The following SHANK2 variants were observed in gnomAD, a reference collection of about 807,000 sequenced individuals.
SHANK2 encodes the protein SH3 and multiple ankyrin repeat domains protein 2.
A neutral mutation model predicts 133.7 loss-of-function variants in SHANK2; 43 were observed. The ratio of observed to expected loss-of-function variants is 0.32; its 90% CI spans 0.25 to 0.41. The LOEUF is 0.41. Among genes scored for constraint, SHANK2 ranks in the 10% least tolerant of loss-of-function variants. SHANK2 has a pLI of 1.00. For synonymous variants in SHANK2, 1,017 were observed against 952.8 expected (o/e 1.07, Z -1.24); for missense variants, 1,994 against 2,235.8 (o/e 0.89, Z 2.18).
At chr11:70,764,063 A>AAACCATCC (rs1947055240) in intron 14 of SHANK2, among the ~76,000 whole-genome samples, 1 of 127,010 alleles carries the variant, frequency 7.9e-6, no homozygotes, top group East Asian at 2.7e-4. Flanking sequence ...TATACCCACC[A>AAACCATCC]ATCCATCCAT....
chr11:70,657,985 G>C (rs149645882), intron 17 of SHANK2, among the ~76,000 whole-genome samples: 8 of 152,270 alleles, frequency 5.3e-5, no homozygotes, highest in Admixed American at 4.6e-4. Flanking sequence ...ACGTGCCTCA[G>C]CAGGCCACGT....
chr11:71,095,410 C>T (rs1160826312), intron 6 of SHANK2, among the ~76,000 whole-genome samples: 3 of 152,186 alleles, frequency 2.0e-5, no homozygotes, highest in African/African-American at 7.2e-5. Context: ...CTAATATGCC[C>T]ACCATGGCCA....
chr11:71,104,449 G>A (rs1207317376), intron 6 of SHANK2, among the ~76,000 whole-genome samples: 1 of 152,184 alleles, frequency 6.6e-6, no homozygotes, highest in Non-Finnish European at 1.5e-5. Context: ...TCAGTCAGGA[G>A]GATGCGTATC....
At chr11:70,512,876 A>T (rs1244974757) in intron 17 of SHANK2, among the ~76,000 whole-genome samples, 1 of 152,200 alleles carries the variant, frequency 6.6e-6, no homozygotes, top group Non-Finnish European at 1.5e-5. Flanking sequence ...TTTTTGAGAC[A>T]TTGACTATTT....
intron 14 of SHANK2, among the ~76,000 whole-genome samples, chr11:70,755,697 C>T (rs1164196490): frequency 6.6e-6 from 1 of 152,212 alleles, no homozygotes; most frequent in Non-Finnish European, 1.5e-5. Context: ...CCCGCGGCTG[C>T]CATCTAGTGG....
At chr11:70,784,682 T>C (rs1947609818) in intron 14 of SHANK2, among the ~76,000 whole-genome samples, 2 of 152,158 alleles carry the variant, frequency 1.3e-5, no homozygotes, top group African/African-American at 4.8e-5. Context: ...TGTCCCCCTC[T>C]GTGGCATGGG....
chr11:70,875,105 G>C (rs1291873365), intron 11 of SHANK2, among the ~76,000 whole-genome samples: 1 of 152,156 alleles, frequency 6.6e-6, no homozygotes, highest in Non-Finnish European at 1.5e-5. Context: ...TTAGACCAAC[G>C]ATTGGGGGAA....
intron 14 of SHANK2, among the ~76,000 whole-genome samples, chr11:70,781,023 G>A (rs1379004348): frequency 1.3e-5 from 2 of 151,950 alleles, no homozygotes; most frequent in African/African-American, 2.4e-5. Context: ...CATCCCTTCC[G>A]GTTCTCACCT....
intron 11 of SHANK2, among the ~76,000 whole-genome samples, chr11:70,879,764 G>A (rs1220303069): frequency 6.6e-6 from 1 of 152,186 alleles, no homozygotes; most frequent in African/African-American, 2.4e-5. Flanking sequence ...CAGGACACCG[G>A]CGGTGGGACC....
intron 14 of SHANK2, among the ~76,000 whole-genome samples, chr11:70,748,174 G>C (rs1555036697): frequency 1.3e-5 from 2 of 152,134 alleles, no homozygotes; most frequent in Non-Finnish European, 1.5e-5. Flanking sequence ...ACAATGCCTG[G>C]AGGCTCTTCC....
chr11:70,797,019 A>C (rs1306090951), intron 14 of SHANK2, among the ~76,000 whole-genome samples: 1 of 152,134 alleles, frequency 6.6e-6, no homozygotes, highest in African/African-American at 2.4e-5. Context: ...AGACATGAAT[A>C]TTCCTCCCCT....
chr11:70,732,030 T>A (rs2134733167), intron 14 of SHANK2, among the ~76,000 whole-genome samples: 1 of 152,240 alleles, frequency 6.6e-6, no homozygotes, highest in Admixed American at 6.5e-5. Flanking sequence ...TGTCTTCCTC[T>A]CTGGCCACAC....
At chr11:71,211,542 A>G (rs1264255122) in intron 2 of SHANK2, among the ~76,000 whole-genome samples, 1 of 152,050 alleles carries the variant, frequency 6.6e-6, no homozygotes, top group Non-Finnish European at 1.5e-5. Flanking sequence ...TGTCTCAAAA[A>G]AAAATAAATA....
At chr11:70,636,762 GTGTGTGAGCATC>G (rs1363776504) in intron 17 of SHANK2, among the ~76,000 whole-genome samples, 3,101 of 75,400 alleles carry the variant, frequency 0.041, 50 homozygotes, top group Admixed American at 0.07. Flanking sequence ...GTGTGAGCAT[GTGTGTGAGCATC>G]TGTGTGAGCA....
rs545869579 is a variant in SHANK2, at chr11:71,235,386, G to A, written c.-112-10590C>T. On this transcript the variant is annotated intron_variant, in intron 1 of 25. Coordinates refer to ENST00000601538, the MANE Select transcript of SHANK2 (RefSeq NM_012309.5). ...AGGCAGGTGGATCACCTGAGGTCAG[G>A]AATTTGAGACCAGCCTGGCCAACAT... 2.6e-5 allele frequency among the ~76,000 whole-genome samples: 4 copies of A among 152,226 alleles called. No homozygotes were observed. In the South Asian group the frequency reaches 8.3e-4, roughly 32 times the overall value.
intron 15 of SHANK2, among the ~76,000 whole-genome samples, chr11:70,692,871 G>T (rs564598853): frequency 5.0e-4 from 76 of 152,264 alleles, no homozygotes; most frequent in Middle Eastern, 3.4e-3. Context: ...AGAGAAAACT[G>T]GTTTTCTCTA....
At chr11:70,546,097 ATTTTTTT>A (rs57144719) in intron 17 of SHANK2, among the ~76,000 whole-genome samples, 290 of 137,556 alleles carry the variant, frequency 2.1e-3, no homozygotes, top group African/African-American at 5.2e-3. Context: ...TATTTATTTA[ATTTTTTT>A]TTTTTTTTTT....
chr11:70,673,215 CAGGGCA>C (rs1944847906), intron 15 of SHANK2, among the ~76,000 whole-genome samples: 1 of 152,066 alleles, frequency 6.6e-6, no homozygotes, highest in Non-Finnish European at 1.5e-5. Context: ...CAGGTTTGCC[CAGGGCA>C]CATGCCTCCA....
At chr11:71,194,727 C>T (rs1346530509) in intron 2 of SHANK2, among the ~76,000 whole-genome samples, 3 of 152,212 alleles carry the variant, frequency 2.0e-5, no homozygotes, top group South Asian at 4.1e-4. Flanking sequence ...GAGCTCCAAA[C>T]TTCCTGGCAA....
Sources: gnomAD v4.1 joint callset for allele counts (sites outside exome capture counted in the v4.1 genomes callset) on GRCh38, gnomAD v4.1.1 for gene constraint, MANE v1.5 for transcripts, NCBI Gene and HGNC (gene_info 2026-07-23, HGNC 2026-07-21) for gene names.